Variants in BAIAP2 observed in about 807,000 individuals in gnomAD.
BAIAP2 encodes BAR/IMD domain-containing adapter protein 2.
In BAIAP2, 18 loss-of-function variants were observed where a neutral mutation model predicts 63.0. The observed-to-expected ratio is 0.29, with a 90% confidence interval of 0.20 to 0.42. BAIAP2 has a LOEUF of 0.42. Ranked by LOEUF, BAIAP2 falls within the 10% of genes least tolerant of loss-of-function variation. BAIAP2 has a pLI of 1.00. For missense variants in BAIAP2, 610 were observed against 734.3 expected, an observed-to-expected ratio of 0.83 and a Z score of 1.96; for synonymous variants, 386 against 307.6, an observed-to-expected ratio of 1.25 and a Z score of -2.67.
At chr17:81,044,740 C>A (rs1181678679) in intron 1 of BAIAP2, among the ~76,000 whole-genome samples, 1 of 152,222 alleles carries the variant, frequency 6.6e-6, no homozygotes, top group Non-Finnish European at 1.5e-5. Context: ...GATGGTTTTC[C>A]CTTCCAACCT....
intron 2 of BAIAP2, among the ~76,000 whole-genome samples, chr17:81,055,222 C>T (rs1371262294): frequency 6.6e-6 from 1 of 152,196 alleles, no homozygotes. Flanking sequence ...ACTCCGTTGT[C>T]ACCTGGGGAG....
At position 81,112,690 on chromosome 17, in the gene BAIAP2, C is replaced by T. The variant is rs528343564; in HGVS notation, c.1536-3080C>T. Among the ~76,000 whole-genome samples the T allele has an allele frequency of 4.6e-5, 7 of 152,336 alleles. No individual in the cohort carries two copies. In the South Asian group the frequency reaches 6.2e-4, roughly 14 times the overall value. ...CTGGGTCTGGAGTCACCCAACTGGT[C>T]GAAATGCATTTGTGACGGCTCCGTT... is the stretch of plus-strand genomic sequence containing the variant. On this transcript the variant is annotated intron_variant, in intron 13 of 13. Transcript: ENST00000428708.
At chr17:81,078,781 C>T (rs1250389460) in intron 3 of BAIAP2, among the ~76,000 whole-genome samples, 3 of 152,122 alleles carry the variant, frequency 2.0e-5, no homozygotes, top group African/African-American at 7.2e-5. Context: ...GCTGTGCTCT[C>T]TGCTGCTCCA....
At chr17:81,038,627 C>T (rs1337176937) in intron 1 of BAIAP2, among the ~76,000 whole-genome samples, 4 of 152,390 alleles carry the variant, frequency 2.6e-5, no homozygotes, top group African/African-American at 7.2e-5. Flanking sequence ...GTTCCTGGAG[C>T]CAGGAGCCAG....
intron 13 of BAIAP2, chr17:81,110,324 T>G (rs2146112159): frequency 3.0e-6 from 3 of 986,192 alleles, no homozygotes; most frequent in Middle Eastern, 1.0e-3. Flanking sequence ...GCGTTCCCGC[T>G]CCGCTAAAGA....
intron 3 of BAIAP2, among the ~76,000 whole-genome samples, chr17:81,079,712 T>TGCC (rs2054274516): frequency 6.6e-6 from 1 of 152,226 alleles, no homozygotes; most frequent in Non-Finnish European, 1.5e-5. Flanking sequence ...GCGACGGCTC[T>TGCC]GCCGGTCTGT....
intron 1 of BAIAP2, chr17:81,037,035 C>T (rs2046372031): frequency 2.3e-6 from 3 of 1,313,178 alleles, no homozygotes; most frequent in South Asian, 1.3e-5. Flanking sequence ...CCTAACCGGG[C>T]AGTAGGCCTT....
intron 1 of BAIAP2, among the ~76,000 whole-genome samples, chr17:81,049,640 G>A (rs996873598): frequency 3.3e-5 from 5 of 152,202 alleles, no homozygotes; most frequent in African/African-American, 9.6e-5. Flanking sequence ...TCAGTGACTC[G>A]GAAAAGCCAC....
chr17:81,106,719 C>T (rs999348892), intron 11 of BAIAP2, 26 bp from the exon 12 acceptor site: 11 of 1,611,926 alleles, frequency 6.8e-6, no homozygotes, highest in Non-Finnish European at 9.3e-6. Flanking sequence ...GCCTGCTGGG[C>T]CGCCTCTGAG....
intron 3 of BAIAP2, among the ~76,000 whole-genome samples, chr17:81,061,141 T>A (rs2050477569): frequency 6.6e-6 from 1 of 152,200 alleles, no homozygotes; most frequent in Admixed American, 6.5e-5. Flanking sequence ...AGTTTAGACA[T>A]CATCGAAAGG....
intron 2 of BAIAP2, 117 bp downstream of exon 2, chr17:81,053,860 C>G: frequency 1.7e-6 from 1 of 593,532 alleles, no homozygotes; most frequent in Non-Finnish European, 2.9e-6. Flanking sequence ...GCCCGGGCCC[C>G]GTGGGGTGGG....
intron 3 of BAIAP2, among the ~76,000 whole-genome samples, chr17:81,069,584 C>A (rs1054705912): frequency 6.6e-6 from 1 of 152,228 alleles, no homozygotes; most frequent in Non-Finnish European, 1.5e-5. Flanking sequence ...CTGTTCCCTG[C>A]CTCTGCAGTA....
intron 13 of BAIAP2, 48 bp downstream of exon 13, chr17:81,108,557 G>C: frequency 6.2e-7 from 1 of 1,611,486 alleles, no homozygotes; most frequent in Non-Finnish European, 8.5e-7. Flanking sequence ...TGGGTGTGAA[G>C]AGGCCGGGTG....
rs115840168 is a variant in BAIAP2 at position 81,110,284 on chromosome 17, C to T, written c.1535+1775C>T. 118 of 985,986 alleles carry T rather than the reference C, an allele frequency of 1.2e-4. No individual in the cohort carries two copies. The African/African-American group carries it at 1.8e-3, about 15-fold the overall frequency. The allele number at this position is 985,986 out of a possible 1,614,324, so 61.1% of individuals were successfully genotyped here. Reference sequence around the variant, plus strand: ...CATTAAGGAGAGCTCAAGGGCGGACCGGGCCCTGTGTAGAGACCCTTCCGC... The same window carrying T: ...CATTAAGGAGAGCTCAAGGGCGGACTGGGCCCTGTGTAGAGACCCTTCCGC... On this transcript the variant is annotated intron_variant, in intron 13 of 13. Transcript: ENST00000428708.
chr17:81,067,560 G>A (rs895537440), intron 3 of BAIAP2, among the ~76,000 whole-genome samples: 1 of 138,772 alleles, frequency 7.2e-6, no homozygotes, highest in South Asian at 2.4e-4. Context: ...GCCAAGTGTG[G>A]GCCCCTGGTC....
chr17:81,104,151 G>A (rs1255013842), intron 9 of BAIAP2, 43 bp downstream of exon 9: 2 of 1,599,728 alleles, frequency 1.3e-6, no homozygotes, highest in South Asian at 1.1e-5. Flanking sequence ...CCCTGGACGT[G>A]CCTCCTCAGA....
chr17:81,049,679 C>A (rs369096918), intron 1 of BAIAP2, among the ~76,000 whole-genome samples: 1 of 152,332 alleles, frequency 6.6e-6, no homozygotes, highest in East Asian at 1.9e-4. Context: ...AGAGTTCTTT[C>A]CACCTGGGGC....
chr17:81,116,441 A>C lies in BAIAP2; in HGVS notation c.*602A>C, dbSNP rs933756413. ...CTGGCAATGTCACAAGGGCCTCCCC[A>C]GGCCCCTCCTGCCTCGGGCAGGCCC... On this transcript the variant is annotated 3_prime_UTR_variant, in exon 14 of 14. Coordinates refer to ENST00000428708, the MANE Select transcript of BAIAP2 (RefSeq NM_001144888.2). 11 of 1,198,252 alleles carry C rather than the reference A, an allele frequency of 9.2e-6. No homozygotes were observed. The highest frequency in any genetic ancestry group is 1.2e-6 in the Non-Finnish European group (1 of 862,498). 74.2% of individuals were successfully genotyped at this position (1,198,252 alleles called of 1,614,324 possible).
At chr17:81,041,990 G>A (rs1042217638) in intron 1 of BAIAP2, among the ~76,000 whole-genome samples, 4 of 152,108 alleles carry the variant, frequency 2.6e-5, no homozygotes, top group Non-Finnish European at 5.9e-5. Context: ...TTCAGCTCTG[G>A]GCTGTCAGTG....
Sources: gnomAD v4.1 joint callset for allele counts (sites outside exome capture counted in the v4.1 genomes callset) on GRCh38, gnomAD v4.1.1 for gene constraint, MANE v1.5 for transcripts, NCBI Gene and HGNC (gene_info 2026-07-23, HGNC 2026-07-21) for gene names.